The following QTMAN variants were observed in gnomAD, a reference collection of about 807,000 sequenced individuals.
QTMAN encodes the protein tRNA-queuosine alpha-mannosyltransferase.
At chr2:144,007,369 T>A in the QTMAN span, 2 of 1,613,338 alleles carry the variant, frequency 1.2e-6, no homozygotes, top group African/African-American at 2.7e-5. Flanking sequence ...TGTCGTGCAG[T>A]ATCAAGGCCA....
the QTMAN span, among the ~76,000 whole-genome samples, chr2:144,238,586 C>T: frequency 1.9e-4 from 29 of 152,208 alleles, 1 homozygote; most frequent in East Asian, 4.1e-3. Context: ...ATGGTTGACC[C>T]TCTTTTCCAT....
At chr2:144,038,493 C>T in the QTMAN span, among the ~76,000 whole-genome samples, 3 of 152,128 alleles carry the variant, frequency 2.0e-5, no homozygotes, top group Admixed American at 6.6e-5. Flanking sequence ...ATGTGGTTTC[C>T]TTTTAAACAG....
chr2:144,102,149 C>G, the QTMAN span, among the ~76,000 whole-genome samples: 1 of 152,188 alleles, frequency 6.6e-6, no homozygotes. Flanking sequence ...TAAAGTTTCT[C>G]TGAATCCAGA....
the QTMAN span, chr2:144,005,812 G>C: frequency 6.6e-6 from 1 of 152,012 alleles, no homozygotes; most frequent in East Asian, 1.9e-4. Context: ...GCAAAGTATT[G>C]AATAACATGG....
At chr2:144,257,055 G>T in the QTMAN span, among the ~76,000 whole-genome samples, 4 of 144,926 alleles carry the variant, frequency 2.8e-5, no homozygotes, top group Admixed American at 1.4e-4. Context: ...TTAAAGATGA[G>T]CAGAAGACAG....
the QTMAN span, among the ~76,000 whole-genome samples, chr2:144,189,751 C>G: frequency 6.6e-6 from 1 of 152,104 alleles, no homozygotes; most frequent in Non-Finnish European, 1.5e-5. Flanking sequence ...TCCCAAGTAG[C>G]TGGGATTACA....
the QTMAN span, among the ~76,000 whole-genome samples, chr2:144,210,235 G>A: frequency 6.6e-6 from 1 of 152,030 alleles, no homozygotes; most frequent in Non-Finnish European, 1.5e-5. Flanking sequence ...AATTTTGTAG[G>A]ACTTAGTCTC....
At chr2:144,062,283 C>G in the QTMAN span, among the ~76,000 whole-genome samples, 3 of 152,316 alleles carry the variant, frequency 2.0e-5, no homozygotes, top group South Asian at 6.2e-4. Flanking sequence ...TTTGAGCACA[C>G]AGTGGCCGAG....
chr2:144,046,439 G>A, the QTMAN span, among the ~76,000 whole-genome samples: 94 of 152,152 alleles, frequency 6.2e-4, no homozygotes, highest in African/African-American at 2.1e-3. Context: ...GACCATAAGC[G>A]CAGTGGTGTG....
At chr2:144,188,713 A>C in the QTMAN span, among the ~76,000 whole-genome samples, 2 of 152,232 alleles carry the variant, frequency 1.3e-5, no homozygotes, top group African/African-American at 4.8e-5. Flanking sequence ...TATCTCAAAA[A>C]TAAATTTCAT....
chr2:144,232,028 A>G, the QTMAN span, among the ~76,000 whole-genome samples: 1 of 152,142 alleles, frequency 6.6e-6, no homozygotes, highest in Non-Finnish European at 1.5e-5. Flanking sequence ...AGAAGTTTAA[A>G]ATGTTGACCT....
the QTMAN span, among the ~76,000 whole-genome samples, chr2:144,079,902 T>C: frequency 6.6e-6 from 1 of 152,148 alleles, no homozygotes; most frequent in Non-Finnish European, 1.5e-5. Flanking sequence ...ATACTTTACA[T>C]TATTGGAATG....
At chr2:144,096,969 TCATA>T in the QTMAN span, among the ~76,000 whole-genome samples, 3 of 152,238 alleles carry the variant, frequency 2.0e-5, no homozygotes, top group African/African-American at 7.2e-5. Flanking sequence ...TCAGTTTTGT[TCATA>T]CAGATACATA....
chr2:144,332,985 G>A, the QTMAN span, among the ~76,000 whole-genome samples: 3 of 152,054 alleles, frequency 2.0e-5, no homozygotes, highest in Admixed American at 6.6e-5. Context: ...CCACTCCCCG[G>A]CCTACTAGAG....
chr2:144,288,744 A>G, the QTMAN span, among the ~76,000 whole-genome samples: 11 of 152,186 alleles, frequency 7.2e-5, no homozygotes, highest in African/African-American at 4.8e-5. Context: ...ACCCTACTGT[A>G]TACTACTTGG....
At chr2:144,266,339 G>C in the QTMAN span, among the ~76,000 whole-genome samples, 1 of 152,188 alleles carries the variant, frequency 6.6e-6, no homozygotes, top group African/African-American at 2.4e-5. Context: ...TTGTAAAAAA[G>C]AATCAGAGCT....
At chr2:144,026,432 AAAAT>A in the QTMAN span, among the ~76,000 whole-genome samples, 1 of 152,150 alleles carries the variant, frequency 6.6e-6, no homozygotes, top group African/African-American at 2.4e-5. Context: ...TTCCATCTCA[AAAAT>A]AAATAAATAA....
At chr2:144,239,719 T>C in the QTMAN span, among the ~76,000 whole-genome samples, 2 of 152,224 alleles carry the variant, frequency 1.3e-5, no homozygotes, top group African/African-American at 2.4e-5. Flanking sequence ...ATTGTCTTCA[T>C]TTTTAATTCA....
At chr2:144,071,550 T>G in the QTMAN span, among the ~76,000 whole-genome samples, 1 of 152,132 alleles carries the variant, frequency 6.6e-6, no homozygotes, top group Non-Finnish European at 1.5e-5. Context: ...AATAAACTGA[T>G]TTGACCTTGG....
Sources: allele counts gnomAD v4.1 joint callset (sites outside exome capture counted in the v4.1 genomes callset), GRCh38; gene constraint gnomAD v4.1.1; transcripts MANE v1.5; gene names NCBI Gene and HGNC (gene_info 2026-07-23, HGNC 2026-07-21).